Variants in TRHDE observed in about 807,000 individuals in gnomAD.
TRHDE encodes thyrotropin-releasing hormone-degrading ectoenzyme.
In TRHDE, 72 loss-of-function variants were observed where a neutral mutation model predicts 125.7. That is an observed-to-expected ratio of 0.57 (90% CI 0.47 to 0.70). TRHDE has a LOEUF of 0.70. TRHDE is among the 30% of genes least tolerant of loss of function. The pLI, the probability that TRHDE is intolerant of heterozygous loss-of-function variation, is 0.00. For missense variants in TRHDE, 1,110 were observed against 1,327.1 expected, an observed-to-expected ratio of 0.84 and a Z score of 2.54; for synonymous variants, 509 against 509.1, an observed-to-expected ratio of 1.00 and a Z score of 0.00.
chr12:72,101,979 G>C (rs904081105), intron 1 of TRHDE, among the ~76,000 whole-genome samples: 1 of 152,148 alleles, frequency 6.6e-6, no homozygotes, highest in Non-Finnish European at 1.5e-5. Context: ...ATTTCAAAGT[G>C]TGTTGTTAAA....
At chr12:72,137,183 C>G (rs996711243) in intron 2 of TRHDE, among the ~76,000 whole-genome samples, 3 of 152,192 alleles carry the variant, frequency 2.0e-5, no homozygotes, top group African/African-American at 4.8e-5. Flanking sequence ...GCTTGTGAAA[C>G]AGGGCATTTT....
chr12:72,631,301 C>T (rs769683106), intron 15 of TRHDE, among the ~76,000 whole-genome samples: 1 of 151,736 alleles, frequency 6.6e-6, no homozygotes, highest in Non-Finnish European at 1.5e-5. Context: ...TCTCACAATG[C>T]AAAATGCCCC....
intron 3 of TRHDE, among the ~76,000 whole-genome samples, chr12:72,387,717 G>A (rs1342778152): frequency 1.3e-5 from 2 of 152,062 alleles, no homozygotes; most frequent in Admixed American, 1.3e-4. Context: ...TGAATCATGG[G>A]GGTGGTTTCC....
intron 3 of TRHDE, among the ~76,000 whole-genome samples, chr12:72,385,476 T>C (rs1313658975): frequency 2.0e-5 from 3 of 152,146 alleles, no homozygotes; most frequent in Non-Finnish European, 4.4e-5. Context: ...GGTAATTTAA[T>C]TCTGAAAAAC....
At position 72,273,672 on chromosome 12, in the gene TRHDE, G is replaced by T. The variant is rs548895630; in HGVS notation, c.914+115G>T. On this transcript the variant is annotated intron_variant, in intron 1 of 18. Transcript: ENST00000261180. The surrounding 1 kb of genome is among the most constrained non-coding windows in gnomAD (Gnocchi z 5.3). ...TTCCAATACCCGGGAAGCCAGGGGT[G>T]GGGGGAAGGAAACGAAAGCGGAGTA... 3.7e-5 allele frequency: 38 copies of T among 1,040,034 alleles called. No homozygotes were observed. The Admixed American group carries it at 4.4e-4, about 12-fold the overall frequency. The allele number at this position is 1,040,034 out of a possible 1,614,324, so 64.4% of individuals were successfully genotyped here.
chr12:72,275,665 C>T (rs891614579), intron 1 of TRHDE, among the ~76,000 whole-genome samples: 1 of 152,106 alleles, frequency 6.6e-6, no homozygotes, highest in Non-Finnish European at 1.5e-5. Flanking sequence ...TTGAGCCATG[C>T]CAAAATATGT....
At chr12:72,524,112 A>G (rs1373114781) in intron 6 of TRHDE, among the ~76,000 whole-genome samples, 1 of 152,190 alleles carries the variant, frequency 6.6e-6, no homozygotes, top group Non-Finnish European at 1.5e-5. Flanking sequence ...GCAAAGAAAG[A>G]AATCATCCAT....
At chr12:72,285,854 C>G (rs1879866692) in intron 1 of TRHDE, among the ~76,000 whole-genome samples, 1 of 152,220 alleles carries the variant, frequency 6.6e-6, no homozygotes, top group South Asian at 2.1e-4. Context: ...TCTTTGTCTT[C>G]ATTTGTAACC....
intron 6 of TRHDE, among the ~76,000 whole-genome samples, chr12:72,517,295 G>C (rs1341864853): frequency 6.6e-6 from 1 of 151,296 alleles, no homozygotes; most frequent in Non-Finnish European, 1.5e-5. Flanking sequence ...TGGTTGGTAA[G>C]CTATTGATTA....
intron 2 of TRHDE, among the ~76,000 whole-genome samples, chr12:72,114,019 G>A (rs1262737336): frequency 6.6e-6 from 1 of 151,622 alleles, no homozygotes; most frequent in African/African-American, 2.4e-5. Context: ...ATCTTCATTG[G>A]TTCTGTCAGT....
intron 2 of TRHDE, chr12:72,254,800 A>C (rs1175739982): frequency 1.3e-5 from 2 of 152,162 alleles, no homozygotes; most frequent in African/African-American, 4.8e-5. Flanking sequence ...GATTCCAACA[A>C]ATCCCTTTCT....
At chr12:72,165,932 C>T (rs1876737193) in intron 2 of TRHDE, among the ~76,000 whole-genome samples, 1 of 152,124 alleles carries the variant, frequency 6.6e-6, no homozygotes, top group South Asian at 2.1e-4. Context: ...GCCATGGCCT[C>T]CCAAAGTGCT....
At chr12:72,367,226 C>CT (rs1476943220) in intron 2 of TRHDE, among the ~76,000 whole-genome samples, 1 of 152,076 alleles carries the variant, frequency 6.6e-6, no homozygotes, top group Non-Finnish European at 1.5e-5. Flanking sequence ...TAATATTATG[C>CT]TTTTCTACTC....
chr12:72,594,105 T>G (rs1338902077), intron 12 of TRHDE, among the ~76,000 whole-genome samples: 1 of 152,152 alleles, frequency 6.6e-6, no homozygotes, highest in Non-Finnish European at 1.5e-5. Context: ...ACTTCCACAA[T>G]GGTTGAACTA....
At chr12:72,168,619 G>GT (rs767490366) in intron 2 of TRHDE, among the ~76,000 whole-genome samples, 71 of 152,274 alleles carry the variant, frequency 4.7e-4, no homozygotes, top group Admixed American at 1.2e-3. Context: ...TTCTACATTG[G>GT]ATCCTGTTAT....
chr12:72,483,248 G>A (rs485317), intron 5 of TRHDE, among the ~76,000 whole-genome samples: 59,492 of 151,458 alleles, frequency 0.39, 14,332 homozygotes, highest in African/African-American at 0.67. Context: ...GATTATCTTT[G>A]TTAGAGTTAG....
At chr12:72,215,102 GAGTC>G (rs1193898531) in intron 2 of TRHDE, among the ~76,000 whole-genome samples, 1 of 152,138 alleles carries the variant, frequency 6.6e-6, no homozygotes, top group African/African-American at 2.4e-5. Flanking sequence ...TCCAAAAAGA[GAGTC>G]AGCGAAGGGA....
At chr12:72,611,501 A>T (rs768684114) in intron 12 of TRHDE, among the ~76,000 whole-genome samples, 1 of 152,196 alleles carries the variant, frequency 6.6e-6, no homozygotes, top group Non-Finnish European at 1.5e-5. Flanking sequence ...TGATTTGAAA[A>T]GACAGCCCTC....
At chr12:72,274,994 C>G (rs182481262) in intron 1 of TRHDE, 2 of 152,206 alleles carry the variant, frequency 1.3e-5, no homozygotes, top group South Asian at 2.1e-4. Context: ...GATGAACAAC[C>G]AAAGTGAGCT....
Sources: allele counts gnomAD v4.1 joint callset (sites outside exome capture counted in the v4.1 genomes callset), GRCh38; gene constraint gnomAD v4.1.1; non-coding constraint Gnocchi (gnomAD v3.1); transcripts MANE v1.5; gene names NCBI Gene and HGNC (gene_info 2026-07-23, HGNC 2026-07-21).